UBTF: variants seen among roughly 807,000 people sequenced by gnomAD.
The protein encoded by UBTF is nucleolar transcription factor 1.
In UBTF, 8 loss-of-function variants were observed where a neutral mutation model predicts 112.3. That is an observed-to-expected ratio of 0.07 (90% CI 0.04 to 0.13). The LOEUF (loss-of-function observed/expected upper bound fraction) is 0.13, where lower values mean the gene tolerates loss of function less well. Among genes scored for constraint, UBTF ranks in the 10% least tolerant of loss-of-function variants. The pLI is 1.00. For synonymous variants in UBTF, 417 were observed against 373.1 expected (o/e 1.12, Z -1.36); for missense variants, 457 against 982.1 (o/e 0.47, Z 7.15).
rs1400909060 is a variant in UBTF at position 44,207,482 on chromosome 17, C to T, written c.2141G>A (p.Ser714Asn). 3 of 1,613,960 alleles carry T rather than the reference C, an allele frequency of 1.9e-6. No homozygotes were observed. The highest frequency in any genetic ancestry group is 2.5e-6 in the Non-Finnish European group (3 of 1,180,008). The part of the protein sequence containing the change: ...EDGGDSSESS[S>N]EDESEDGDEN... ...ATCCCCATCCTCGCTCTCGTCCTCG[C>T]TGCTGGACTCAGAGGAGTCGCCGCC... Residue 714 changes from serine (S) to asparagine (N), a missense_variant, in exon 20 of 21, where the codon AGC becomes AAC. By Grantham distance (46) the Ser-to-Asn change is conservative. Coordinates refer to ENST00000436088, the MANE Select transcript of UBTF (RefSeq NM_014233.4).
Position 44,211,018 on chromosome 17 carries a change from G to A in UBTF, c.1203+21C>T, listed in dbSNP as rs368664053. On this transcript the variant is annotated intron_variant, in intron 12 of 20. Coordinates refer to ENST00000436088, the MANE Select transcript of UBTF (RefSeq NM_014233.4). The surrounding 1 kb of genome is among the most constrained non-coding windows in gnomAD (Gnocchi z 4.9). Reference sequence around the variant, plus strand: ...CCCAGTCTTGCCCACCCCCGCCTGCGCGGCCGCACCCTCTGCCCACCTTGC... The same window carrying A: ...CCCAGTCTTGCCCACCCCCGCCTGCACGGCCGCACCCTCTGCCCACCTTGC... The A allele has an allele frequency of 4.7e-5, 75 of 1,604,954 alleles. No individual in the cohort carries two copies. In the South Asian group the frequency reaches 5.3e-4, roughly 11 times the overall value.
chr17:44,219,873 C>T (rs1386719489), upstream of UBTF: 2 of 151,118 alleles, frequency 1.3e-5, no homozygotes, highest in African/African-American at 4.9e-5. Context: ...CACCGACCCC[C>T]GGGGAGCGAG....
rs905873631 is a variant in UBTF at position 44,215,684 on chromosome 17, C to T, written c.444G>A (p.Lys148=). ...TCTTCTCCGGAAGCTCCTTGTATTT[C>T]TTGGACAGAATCTTGGTTAGGTCCA... ...SNLDLTKILS[K]KYKELPEKKK... The change falls in exon 5 of 21, where the codon AAG becomes AAA. Residue 148 remains lysine, a synonymous_variant. Coordinates refer to ENST00000436088, the MANE Select transcript of UBTF (RefSeq NM_014233.4). 5 of 1,614,134 alleles carry T rather than the reference C, an allele frequency of 3.1e-6. No individual in the cohort carries two copies. Among genetic ancestry groups the T allele is most frequent in the Non-Finnish European group, 3.4e-6 (4 of 1,180,018 alleles).
upstream of UBTF, among the ~76,000 whole-genome samples, chr17:44,220,436 C>T (rs1330781075): frequency 2.0e-5 from 3 of 152,128 alleles, no homozygotes; most frequent in Non-Finnish European, 2.9e-5. Context: ...CGCACGCACG[C>T]CGATCGCGGC....
rs772875044 is a variant in UBTF, at chr17:44,210,493, G to A, written c.1360-20C>T. On this transcript the variant is annotated intron_variant, in intron 13 of 20. Coordinates refer to ENST00000436088, the MANE Select transcript of UBTF (RefSeq NM_014233.4). ...CTTGGCCTGCGGGGATGGCCCGGGC[G>A]TCAGCCTTCCACCCACCCCCAGGGG... 9 of 1,579,166 alleles carry A rather than the reference G, an allele frequency of 5.7e-6. No homozygotes were observed. The highest frequency in any genetic ancestry group is 1.9e-4 in the Middle Eastern group (1 of 5,174).
chr17:44,218,096 G>A (rs1410107572), intron 2 of UBTF, 76 bp downstream of exon 2: 3 of 1,457,958 alleles, frequency 2.1e-6, no homozygotes, highest in Admixed American at 3.4e-5. Flanking sequence ...AAAAGCCCTT[G>A]AAGAAGGGAG....
chr17:44,210,837 G>A lies in UBTF; in HGVS notation c.1314C>T (p.Thr438=), dbSNP rs1408041891. 6.4e-7 allele frequency: 1 copy of A among 1,569,564 alleles called. No homozygotes were observed. Among genetic ancestry groups the A allele is most frequent in the Non-Finnish European group, 8.6e-7 (1 of 1,156,764 alleles). Reference sequence around the variant, plus strand: ...CGTTCCACATTCGGGCCAGCAGGCGGGTCAGCTCGCTCTCGGAGAGCTCAG... The same window carrying A: ...CGTTCCACATTCGGGCCAGCAGGCGAGTCAGCTCGCTCTCGGAGAGCTCAG... ...ERPELSESEL[T]RLLARMWNDL... Residue 438 remains threonine, a synonymous_variant, in exon 13 of 21, where the codon ACC becomes ACT. Transcript: ENST00000436088.
intron 13 of UBTF, 151 bp from the exon 14 acceptor site, chr17:44,210,624 G>C: frequency 1.4e-6 from 2 of 1,381,606 alleles, no homozygotes; most frequent in Non-Finnish European, 9.5e-7. Flanking sequence ...GGTCTGCGGC[G>C]CTCAGCTGAC....
chr17:44,207,286 T>C lies in UBTF; in HGVS notation c.2251A>G (p.Ser751Gly). The change falls in exon 21 of 21, where the codon AGC becomes GGC. Residue 751 changes from serine to glycine, a missense_variant. Ser to Gly is a moderately conservative substitution (Grantham distance 56, BLOSUM62 0). Around this residue, in one of 7 missense-constraint regions of UBTF, gnomAD observed 139 missense variants for 157.5 expected, o/e 0.88. Transcript: ENST00000436088. ...GAGGAGTCCCCTGAGGAGGAGGAGCTGGAGCTGCTGCCCTCGGACTCATTA... is the reference window on the plus strand; with the variant it reads ...GAGGAGTCCCCTGAGGAGGAGGAGCCGGAGCTGCTGCCCTCGGACTCATTA... The part of the protein sequence containing the change: ...EDNESEGSSS[S>G]SSSSGDSSDS... 1 of 1,613,460 alleles carries C rather than the reference T, an allele frequency of 6.2e-7. No individual in the cohort carries two copies. The highest frequency in any genetic ancestry group is 8.5e-7 in the Non-Finnish European group (1 of 1,179,818).
In UBTF at chr17:44,206,724, C is replaced by T; in HGVS notation, c.*518G>A. The T allele has an allele frequency of 6.0e-6, 1 of 165,476 alleles. No individual in the cohort carries two copies. The allele number at this position is 165,476 out of a possible 1,614,324, so 10.3% of individuals were successfully genotyped here. The stretch of plus-strand genomic sequence containing the variant: ...TTCCTGCAGGGGGCAGGGGAGAGGG[C>T]CACCAGGGCAGTGCCTGTTTTCTTG... On this transcript the variant is annotated 3_prime_UTR_variant, in exon 21 of 21. Coordinates refer to ENST00000436088, the MANE Select transcript of UBTF (RefSeq NM_014233.4).
In UBTF at chr17:44,207,374, G is replaced by A. The variant is rs374024693; in HGVS notation, c.2170-7C>T. 59 of 1,612,278 alleles carry A rather than the reference G, an allele frequency of 3.7e-5. No individual in the cohort carries two copies. The highest frequency in any genetic ancestry group is 2.1e-4 in the African/African-American group (16 of 74,636). ...CCTCGTCATCCTCTTCATTCTGGGGGGTGAGAAAGGATGTGGAGTCACCAG... is the reference window on the plus strand; with the variant it reads ...CCTCGTCATCCTCTTCATTCTGGGGAGTGAGAAAGGATGTGGAGTCACCAG... On this transcript the variant is annotated splice_region_variant and splice_polypyrimidine_tract_variant and intron_variant, in intron 20 of 20. Coordinates refer to ENST00000436088, the MANE Select transcript of UBTF (RefSeq NM_014233.4).
Position 44,215,760 on chromosome 17 carries a change from A to T in UBTF, c.368T>A (p.Phe123Tyr). The T allele has an allele frequency of 6.2e-7, 1 of 1,614,084 alleles. No individual in the cohort carries two copies. Among genetic ancestry groups the T allele is most frequent in the Non-Finnish European group, 8.5e-7 (1 of 1,180,014 alleles). ...CGCATACTTGGCCCGCTTCTCCATGAAGAAGCGGAAATAAGGGGTCAGGGG... is the reference window on the plus strand; with the variant it reads ...CGCATACTTGGCCCGCTTCTCCATGTAGAAGCGGAAATAAGGGGTCAGGGG... ...KKPLTPYFRFFMEKRAKYAKL... is the reference protein window; with the variant it reads ...KKPLTPYFRFYMEKRAKYAKL... The change falls in exon 5 of 21, where the codon TTC becomes TAC. Residue 123 changes from phenylalanine to tyrosine, a missense_variant. Transcript: ENST00000436088.
At chr17:44,217,038 G>GT (rs1309911107) in intron 2 of UBTF, among the ~76,000 whole-genome samples, 1 of 152,212 alleles carries the variant, frequency 6.6e-6, no homozygotes, top group African/African-American at 2.4e-5. Context: ...AAGGTACAGT[G>GT]ATTCAGGGCT....
intron 13 of UBTF, 122 bp from the exon 14 acceptor site, chr17:44,210,595 C>A: frequency 7.1e-7 from 1 of 1,403,662 alleles, no homozygotes; most frequent in Non-Finnish European, 9.3e-7. Context: ...TGTCTCCCGC[C>A]TGGGGCTCGC....
rs368843991 is a variant in UBTF, at chr17:44,205,876, T to C, written c.*1366A>G. On this transcript the variant is annotated 3_prime_UTR_variant, in exon 21 of 21. Transcript: ENST00000436088. ...TCAAGGTACCAAAAAATACGGGAGATGGCTGGGAAGAGTTAGAGACAGCTG... is the reference window on the plus strand; with the variant it reads ...TCAAGGTACCAAAAAATACGGGAGACGGCTGGGAAGAGTTAGAGACAGCTG... The C allele has an allele frequency of 4.1e-4, 63 of 151,970 alleles. No individual in the cohort carries two copies. Among genetic ancestry groups the C allele is most frequent in the African/African-American group, 1.5e-3 (61 of 41,472 alleles). The allele number at this position is 151,970 out of a possible 1,614,324, so 9.4% of individuals were successfully genotyped here.
intron 17 of UBTF, 46 bp from the exon 18 acceptor site, chr17:44,207,957 G>T (rs1471472016): frequency 1.2e-6 from 2 of 1,612,606 alleles, no homozygotes; most frequent in South Asian, 1.1e-5. Flanking sequence ...GCCAACTACT[G>T]CTGACTGAGC....
At chr17:44,215,323 T>C (rs755929778) in intron 5 of UBTF, 11 of 279,182 alleles carry the variant, frequency 3.9e-5, no homozygotes, top group Non-Finnish European at 7.5e-5. Flanking sequence ...GGAAACGTCA[T>C]AGAGGGTGAA....
Position 44,206,327 on chromosome 17 carries a change from C to T in UBTF, c.*915G>A, listed in dbSNP as rs1402762662. The stretch of plus-strand genomic sequence containing the variant: ...GAGAACGGGGCAGCCTCAGCCTGCT[C>T]CCACCAGGGTCAACATCTCCCGGCC... On this transcript the variant is annotated 3_prime_UTR_variant, in exon 21 of 21. Transcript: ENST00000436088. 1 of 151,580 alleles carries T rather than the reference C, an allele frequency of 6.6e-6. No individual in the cohort carries two copies. Among genetic ancestry groups the T allele is most frequent in the East Asian group, 1.9e-4 (1 of 5,142 alleles). The allele number at this position is 151,580 out of a possible 1,614,324, so 9.4% of individuals were successfully genotyped here.
rs1230538393 is a variant in UBTF, at chr17:44,209,686, G to T, written c.1674C>A (p.Ser558=). Residue 558 remains serine (S), a synonymous_variant, in exon 16 of 21, where the codon TCC becomes TCA. Coordinates refer to ENST00000436088, the MANE Select transcript of UBTF (RefSeq NM_014233.4). ...GTTCTCCCTGGAATTTCATCTTCTTGGAAGAATTTGTAGCAGCTGGAGGTG... is the reference window on the plus strand; with the variant it reads ...GTTCTCCCTGGAATTTCATCTTCTTTGAAGAATTTGTAGCAGCTGGAGGTG... ...MRAPPAATNS[S]KKMKFQGEPK... 2 of 1,614,044 alleles carry T rather than the reference G, an allele frequency of 1.2e-6. No homozygotes were observed. Among genetic ancestry groups the T allele is most frequent in the African/African-American group, 2.7e-5 (2 of 74,906 alleles).
Sources: gnomAD v4.1 joint callset for allele counts (sites outside exome capture counted in the v4.1 genomes callset) on GRCh38, gnomAD v4.1.1 for gene constraint, gnomAD v4.1.1 regional missense constraint, Gnocchi (gnomAD v3.1) non-coding constraint, MANE v1.5 for transcripts, NCBI Gene and HGNC (gene_info 2026-07-23, HGNC 2026-07-21) for gene names.